Variants in TENM3 observed in about 807,000 individuals in gnomAD.
TENM3 encodes teneurin-3.
TENM3 carries 63 observed loss-of-function variants against 255.1 expected under a neutral mutation model. The observed-to-expected ratio is 0.25, with a 90% CI of 0.20 to 0.30. TENM3 has a LOEUF of 0.30. TENM3 is among the 10% of genes least tolerant of loss of function. The probability of loss-of-function intolerance (pLI) is 1.00; values close to 1 mark genes in which losing one functional copy is unlikely to be tolerated. For synonymous variants in TENM3, 1,306 were observed against 1,322.3 expected (o/e 0.99, Z 0.27); for missense variants, 2,929 against 3,461.1 (o/e 0.85, Z 3.86).
intron 13 of TENM3, among the ~76,000 whole-genome samples, chr4:182,715,844 G>A (rs1759118543): frequency 6.6e-6 from 1 of 152,074 alleles, no homozygotes; most frequent in South Asian, 2.1e-4. Context: ...TTATCCTTCC[G>A]ACAAGGTGCT....
At chr4:181,906,104 G>A in the TENM3 span, 1 of 309,208 alleles carries the variant, frequency 3.2e-6, no homozygotes, top group South Asian at 3.5e-5. Context: ...TGAAGGCACT[G>A]GATAAAATGG....
At chr4:181,894,288 G>A in the TENM3 span, among the ~76,000 whole-genome samples, 7 of 152,036 alleles carry the variant, frequency 4.6e-5, no homozygotes, top group East Asian at 3.9e-4. Context: ...ACTGTCTACC[G>A]TAATTACATG....
At chr4:181,455,226 G>C in the TENM3 span, among the ~76,000 whole-genome samples, 1 of 152,104 alleles carries the variant, frequency 6.6e-6, no homozygotes, top group Non-Finnish European at 1.5e-5. Context: ...GAGGCAGCCT[G>C]TTAATCTAGA....
At chr4:181,526,023 C>T in the TENM3 span, among the ~76,000 whole-genome samples, 2 of 152,198 alleles carry the variant, frequency 1.3e-5, no homozygotes, top group African/African-American at 2.4e-5. Context: ...TAGAATCTCT[C>T]ATTCAGCTTT....
intron 3 of TENM3, among the ~76,000 whole-genome samples, chr4:182,516,172 A>G (rs953676327): frequency 6.6e-6 from 1 of 152,236 alleles, no homozygotes; most frequent in African/African-American, 2.4e-5. Flanking sequence ...AGTGAGTAGA[A>G]ATAGCACTGG....
chr4:182,455,177 A>T (rs1236000899), intron 3 of TENM3, among the ~76,000 whole-genome samples: 1 of 152,212 alleles, frequency 6.6e-6, no homozygotes, highest in Non-Finnish European at 1.5e-5. Context: ...TTGATCAGAA[A>T]GGACTTATTT....
At chr4:182,486,593 T>G (rs956400241) in intron 3 of TENM3, among the ~76,000 whole-genome samples, 3 of 152,098 alleles carry the variant, frequency 2.0e-5, no homozygotes, top group Non-Finnish European at 4.4e-5. Context: ...TCAACAAAAA[T>G]CTTGGTAATA....
At chr4:181,596,598 G>A in the TENM3 span, among the ~76,000 whole-genome samples, 1 of 151,798 alleles carries the variant, frequency 6.6e-6, no homozygotes, top group East Asian at 1.9e-4. Context: ...TTTATTTGTA[G>A]CTAAAAAAAA....
the TENM3 span, among the ~76,000 whole-genome samples, chr4:181,565,701 G>A: frequency 0.026 from 3,993 of 152,232 alleles, 159 homozygotes; most frequent in African/African-American, 0.089. Flanking sequence ...GTATTATCAT[G>A]TTTGTGATTT....
chr4:181,854,485 A>G, the TENM3 span, among the ~76,000 whole-genome samples: 1 of 152,150 alleles, frequency 6.6e-6, no homozygotes, highest in South Asian at 2.1e-4. Flanking sequence ...AGAGTTTCCC[A>G]TTTTTTTCCC....
At chr4:181,474,377 A>G in the TENM3 span, among the ~76,000 whole-genome samples, 35 of 152,260 alleles carry the variant, frequency 2.3e-4, 1 homozygote, top group South Asian at 2.7e-3. Context: ...TTACATACAT[A>G]GTTTTATTCA....
At chr4:181,968,151 G>T in the TENM3 span, among the ~76,000 whole-genome samples, 74 of 152,260 alleles carry the variant, frequency 4.9e-4, 1 homozygote, top group Admixed American at 8.5e-4. Flanking sequence ...AAGATATTCA[G>T]CCACTTCACT....
At chr4:181,522,100 CAAAAAAAA>C in the TENM3 span, among the ~76,000 whole-genome samples, 241 of 54,740 alleles carry the variant, frequency 4.4e-3, no homozygotes, top group East Asian at 0.033. Context: ...GACTCCGTCT[CAAAAAAAA>C]AAAAAAAAAA....
At chr4:182,267,583 T>C (rs189876132) in intron 1 of TENM3, among the ~76,000 whole-genome samples, 2 of 152,258 alleles carry the variant, frequency 1.3e-5, no homozygotes, top group Admixed American at 6.5e-5. Context: ...TCAAGTTATC[T>C]TGGGACTTCA....
the TENM3 span, among the ~76,000 whole-genome samples, chr4:181,862,163 A>G: frequency 6.6e-6 from 1 of 152,110 alleles, no homozygotes; most frequent in African/African-American, 2.4e-5. Context: ...GACAAAATAG[A>G]TATTTAATTA....
At chr4:182,422,873 C>T (rs530399925) in intron 3 of TENM3, among the ~76,000 whole-genome samples, 2 of 152,200 alleles carry the variant, frequency 1.3e-5, no homozygotes, top group African/African-American at 4.8e-5. Flanking sequence ...TATTGTTGCC[C>T]CCTTCTTCCA....
At chr4:182,246,646 C>A (rs923976170) in intron 1 of TENM3, among the ~76,000 whole-genome samples, 1 of 152,168 alleles carries the variant, frequency 6.6e-6, no homozygotes, top group Admixed American at 6.5e-5. Flanking sequence ...TGACCTTAAA[C>A]AAATGGGCTA....
At chr4:182,719,268 T>C (rs1759476735) in intron 13 of TENM3, among the ~76,000 whole-genome samples, 1 of 134,714 alleles carries the variant, frequency 7.4e-6, no homozygotes, top group Non-Finnish European at 1.6e-5. Context: ...TTTTTTTTTT[T>C]TTTTTTTTTT....
chr4:182,265,592 T>C (rs1276992289), intron 1 of TENM3, among the ~76,000 whole-genome samples: 1 of 152,142 alleles, frequency 6.6e-6, no homozygotes, highest in Non-Finnish European at 1.5e-5. Flanking sequence ...TATTTGGCCC[T>C]AGAAATGCAT....
Sources: gnomAD v4.1 joint callset for allele counts (sites outside exome capture counted in the v4.1 genomes callset) on GRCh38, gnomAD v4.1.1 for gene constraint, MANE v1.5 for transcripts, NCBI Gene and HGNC (gene_info 2026-07-23, HGNC 2026-07-21) for gene names.